RYR2: variants seen among roughly 807,000 people sequenced by gnomAD.
RYR2 encodes ryanodine receptor 2.
RYR2 carries 227 observed loss-of-function variants against 601.1 expected under a neutral mutation model. That is an observed-to-expected ratio of 0.38 (90% CI 0.34 to 0.42). RYR2 has a LOEUF of 0.42. Ranked by LOEUF, RYR2 falls within the 10% of genes least tolerant of loss-of-function variation. RYR2 has a pLI of 1.00. For missense variants in RYR2, 4,646 were observed against 6,156.5 expected, an observed-to-expected ratio of 0.75 and a Z score of 8.21; for synonymous variants, 2,223 against 2,175.1, an observed-to-expected ratio of 1.02 and a Z score of -0.61.
chr1:237,541,525 TA>T (rs1669255761), intron 25 of RYR2, among the ~76,000 whole-genome samples: 1 of 152,184 alleles, frequency 6.6e-6, no homozygotes, highest in Non-Finnish European at 1.5e-5. Flanking sequence ...TCTAACATAC[TA>T]TCATATTATA....
At chr1:237,378,821 C>G (rs1254842114) in intron 8 of RYR2, among the ~76,000 whole-genome samples, 1 of 152,106 alleles carries the variant, frequency 6.6e-6, no homozygotes, top group African/African-American at 2.4e-5. Flanking sequence ...TTTCACTTGC[C>G]TTGTAGAAGA....
chr1:237,146,588 T>C (rs1183930786), intron 1 of RYR2, among the ~76,000 whole-genome samples: 2 of 152,196 alleles, frequency 1.3e-5, no homozygotes, highest in African/African-American at 4.8e-5. Context: ...CTTGACTAGT[T>C]CAATTGTGAC....
At chr1:237,051,226 T>TCCTCCCCTTTC (rs1185421695) in intron 1 of RYR2, among the ~76,000 whole-genome samples, 1 of 80,270 alleles carries the variant, frequency 1.2e-5, no homozygotes, top group Non-Finnish European at 2.3e-5. Flanking sequence ...TCCCCCCCCT[T>TCCTCCCCTTTC]CCTCCCCTTT....
At chr1:237,711,689 A>G (rs1182741448) in intron 70 of RYR2, 56 bp from the exon 71 acceptor site, 16 of 841,364 alleles carry the variant, frequency 1.9e-5, no homozygotes, top group Non-Finnish European at 2.6e-5. Context: ...TGTAACCTCT[A>G]ATTACAAAGA....
chr1:237,124,860 T>C (rs1447018007), intron 1 of RYR2, among the ~76,000 whole-genome samples: 17 of 152,186 alleles, frequency 1.1e-4, no homozygotes, highest in Admixed American at 1.1e-3. Flanking sequence ...CAATTCTACT[T>C]TCTGATGGTT....
intron 62 of RYR2, 57 bp from the exon 63 acceptor site, chr1:237,687,398 C>CCTTTTT: frequency 6.1e-6 from 2 of 328,462 alleles, no homozygotes; most frequent in Admixed American, 4.6e-5. Flanking sequence ...TTCCCCCTGT[C>CCTTTTT]TTTTCTACCT....
At chr1:237,105,442 A>G (rs1335986414) in intron 1 of RYR2, among the ~76,000 whole-genome samples, 1 of 152,178 alleles carries the variant, frequency 6.6e-6, no homozygotes, top group African/African-American at 2.4e-5. Context: ...TACACCTGTA[A>G]TCCCAGCATT....
intron 3 of RYR2, chr1:237,333,484 C>T (rs866837119): frequency 6.0e-5 from 23 of 383,068 alleles, no homozygotes; most frequent in Admixed American, 1.6e-4. Context: ...GCCCGAGCAA[C>T]GGGGGGTGTC....
Position 237,543,999 on chromosome 1 carries a change from T to C in RYR2, c.2907-4432T>C, listed in dbSNP as rs538743985. 4.6e-5 allele frequency among the ~76,000 whole-genome samples: 7 copies of C among 152,300 alleles called. No individual in the cohort carries two copies. The East Asian group carries it at 1.4e-3, about 29-fold the overall frequency. ...GTTGGCCAGGATCTTTGTTGTTTTG[T>C]TTTGTTTTCAGAGGTATTTAAAAAA... is the stretch of plus-strand genomic sequence containing the variant. On this transcript the variant is annotated intron_variant, in intron 25 of 104. Coordinates refer to ENST00000366574, the MANE Select transcript of RYR2 (RefSeq NM_001035.3).
chr1:237,628,202 T>C lies in RYR2; in HGVS notation c.6440+122T>C, dbSNP rs181427093. ...TGTCTGGATTATACGATTATTATAC[T>C]AAATAGCTTTTCTTTTTTTTATTTA... On this transcript the variant is annotated intron_variant, in intron 41 of 104. Transcript: ENST00000366574. 373 of 1,137,048 alleles carry C rather than the reference T, an allele frequency of 3.3e-4. No individual in the cohort carries two copies. In the African/African-American group the frequency reaches 5.3e-3, roughly 16 times the overall value. The allele number at this position is 1,137,048 out of a possible 1,614,324, so 70.4% of individuals were successfully genotyped here.
intron 58 of RYR2, among the ~76,000 whole-genome samples, chr1:237,673,176 G>A (rs898251688): frequency 2.0e-5 from 3 of 152,046 alleles, no homozygotes; most frequent in South Asian, 4.2e-4. Flanking sequence ...GTATTTCAGG[G>A]TAGTTGAGCC....
chr1:237,336,762 C>A (rs929040550), intron 3 of RYR2, among the ~76,000 whole-genome samples: 3 of 151,858 alleles, frequency 2.0e-5, no homozygotes, highest in Non-Finnish European at 4.4e-5. Context: ...GAGGCTGAAG[C>A]AAGAGAATCG....
intron 23 of RYR2, among the ~76,000 whole-genome samples, chr1:237,511,155 A>G (rs574800728): frequency 1.3e-5 from 2 of 152,324 alleles, no homozygotes; most frequent in South Asian, 2.1e-4. Context: ...TGCCTAGGAC[A>G]TACCAGGCAT....
intron 56 of RYR2, among the ~76,000 whole-genome samples, chr1:237,661,323 A>G (rs1339578325): frequency 2.0e-5 from 3 of 152,070 alleles, no homozygotes; most frequent in Non-Finnish European, 4.4e-5. Flanking sequence ...AGGAAGGGGA[A>G]CATCACACAC....
At chr1:237,629,486 G>T (rs183638208) in intron 41 of RYR2, among the ~76,000 whole-genome samples, 275 of 151,976 alleles carry the variant, frequency 1.8e-3, no homozygotes, top group Non-Finnish European at 3.3e-3. Context: ...ACATAAAAAT[G>T]TAGAATTCTG....
intron 71 of RYR2, 40 bp from the exon 72 acceptor site, chr1:237,717,158 A>G: frequency 6.3e-7 from 1 of 1,597,630 alleles, no homozygotes; most frequent in South Asian, 1.1e-5. Flanking sequence ...ACATGTGAGA[A>G]AAGCAGGTTC....
chr1:237,186,036 G>A (rs993412442), intron 1 of RYR2, among the ~76,000 whole-genome samples: 2 of 152,302 alleles, frequency 1.3e-5, no homozygotes, highest in African/African-American at 4.8e-5. Context: ...AGGAGTCTGA[G>A]GGTTGTCCCT....
In RYR2 at chr1:237,500,874, T is replaced by C. The variant is rs1264927690; in HGVS notation, c.2367T>C (p.Phe789=). The C allele has an allele frequency of 6.2e-7, 1 of 1,613,926 alleles. No individual in the cohort carries two copies. Among genetic ancestry groups the C allele is most frequent in the Non-Finnish European group, 8.5e-7 (1 of 1,179,898 alleles). Residue 789 remains phenylalanine (F), a synonymous_variant, in exon 21 of 105, where the codon TTT becomes TTC. Transcript: ENST00000366574. ...ATTTCAACATCGATGGCCTCTTCTT[T>C]CCAGTCGTTAGTTTCTCTGCAGGAA... ...FENFNIDGLF[F]PVVSFSAGIK... is the part of the protein sequence containing the mutation.
chr1:237,640,781 CAT>C (rs1199818309), intron 46 of RYR2, 114 bp from the exon 47 acceptor site: 2 of 787,496 alleles, frequency 2.5e-6, no homozygotes, highest in Admixed American at 4.2e-5. Context: ...ATATATGAAA[CAT>C]ATCAGAAAAA....
Sources: gnomAD v4.1 joint callset for allele counts (sites outside exome capture counted in the v4.1 genomes callset) on GRCh38, gnomAD v4.1.1 for gene constraint, MANE v1.5 for transcripts, NCBI Gene and HGNC (gene_info 2026-07-23, HGNC 2026-07-21) for gene names.